The following NCOA1 variants were observed in gnomAD, a reference collection of about 807,000 sequenced individuals.
NCOA1 encodes the protein Hin-2 protein.
NCOA1 carries 35 observed loss-of-function variants against 150.9 expected under a neutral mutation model. The observed-to-expected ratio is 0.23, with a 90% confidence interval of 0.18 to 0.31. NCOA1 has a LOEUF of 0.31. Among genes scored for constraint, NCOA1 ranks in the 10% least tolerant of loss-of-function variants. The probability of loss-of-function intolerance (pLI) is 1.00; values close to 1 mark genes in which losing one functional copy is unlikely to be tolerated. For missense variants in NCOA1, 1,491 were observed against 1,749.3 expected (o/e 0.85, Z 2.63); for synonymous variants, 590 against 630.0 (o/e 0.94, Z 0.95).
chr2:24,610,314 C>CT (rs886636635), intron 3 of NCOA1, among the ~76,000 whole-genome samples: 4 of 150,384 alleles, frequency 2.7e-5, no homozygotes, highest in African/African-American at 7.3e-5. Flanking sequence ...TTCTTTTTTT[C>CT]TTTTTTTTAG....
At chr2:24,746,189 A>G (rs1663908036) in intron 19 of NCOA1, among the ~76,000 whole-genome samples, 1 of 152,260 alleles carries the variant, frequency 6.6e-6, no homozygotes. Context: ...TTCTAATTCT[A>G]GTTGCCACTG....
intron 7 of NCOA1, among the ~76,000 whole-genome samples, chr2:24,679,531 G>C (rs1672068579): frequency 1.3e-5 from 2 of 152,134 alleles, no homozygotes; most frequent in Middle Eastern, 6.8e-3. Context: ...ATAATACAAA[G>C]CAAGTTAAAT....
chr2:24,497,729 T>TAA (rs1663285801), intron 1 of NCOA1, among the ~76,000 whole-genome samples: 1 of 152,222 alleles, frequency 6.6e-6, no homozygotes, highest in South Asian at 2.1e-4. Context: ...TTCAGTAATG[T>TAA]TGATTCTTTG....
chr2:24,712,035 C>T (rs972352989), intron 14 of NCOA1, among the ~76,000 whole-genome samples: 5 of 152,100 alleles, frequency 3.3e-5, no homozygotes, highest in East Asian at 1.9e-4. Context: ...CAGACAGCTG[C>T]GAAGAATAAT....
At chr2:24,750,776 G>A (rs566584485) in intron 19 of NCOA1, among the ~76,000 whole-genome samples, 4 of 151,978 alleles carry the variant, frequency 2.6e-5, no homozygotes, top group Non-Finnish European at 4.4e-5. Context: ...CTCTATAAGG[G>A]AATTTGGGGA....
chr2:24,654,728 A>G (rs1014044906), intron 4 of NCOA1, among the ~76,000 whole-genome samples: 13 of 152,078 alleles, frequency 8.5e-5, no homozygotes, highest in African/African-American at 3.1e-4. Flanking sequence ...GCCTCCTATT[A>G]TCTCTCTGAA....
At chr2:24,719,590 T>C (rs1210047831) in intron 14 of NCOA1, among the ~76,000 whole-genome samples, 1 of 152,196 alleles carries the variant, frequency 6.6e-6, no homozygotes, top group Non-Finnish European at 1.5e-5. Flanking sequence ...CTGCTTGATA[T>C]ATTCACCTTT....
chr2:24,523,953 A>AG (rs1664546029), intron 1 of NCOA1, among the ~76,000 whole-genome samples: 1 of 143,736 alleles, frequency 7.0e-6, no homozygotes, highest in Admixed American at 6.9e-5. Context: ...AAAAAAAAAA[A>AG]GAAACTGGGC....
intron 6 of NCOA1, among the ~76,000 whole-genome samples, chr2:24,666,905 A>G (rs1159453571): frequency 5.9e-5 from 9 of 152,124 alleles, no homozygotes; most frequent in Non-Finnish European, 1.2e-4. Flanking sequence ...CCATACCATC[A>G]AACTCCTTGG....
chr2:24,719,100 G>A (rs1040100445), intron 14 of NCOA1, among the ~76,000 whole-genome samples: 2 of 147,890 alleles, frequency 1.4e-5, no homozygotes, highest in Non-Finnish European at 1.5e-5. Flanking sequence ...AGTAAGTGGT[G>A]TATTCATAAA....
chr2:24,741,137 C>G (rs780489007), intron 18 of NCOA1, among the ~76,000 whole-genome samples: 28 of 151,650 alleles, frequency 1.8e-4, no homozygotes, highest in Non-Finnish European at 3.7e-4. Context: ...CAGAATCTTC[C>G]TTTTTTAATG....
intron 3 of NCOA1, among the ~76,000 whole-genome samples, chr2:24,626,573 A>G (rs541914442): frequency 2.0e-5 from 3 of 152,284 alleles, no homozygotes; most frequent in South Asian, 2.1e-4. Flanking sequence ...ATAGCAGTGT[A>G]TTTAATAGTG....
At chr2:24,587,749 T>C (rs1667476338) in intron 3 of NCOA1, among the ~76,000 whole-genome samples, 1 of 152,236 alleles carries the variant, frequency 6.6e-6, no homozygotes, top group South Asian at 2.1e-4. Flanking sequence ...AGCTTTCTTC[T>C]TTACAGTATT....
At chr2:24,720,039 C>G (rs1261442468) in intron 14 of NCOA1, among the ~76,000 whole-genome samples, 1 of 152,086 alleles carries the variant, frequency 6.6e-6, no homozygotes, top group Non-Finnish European at 1.5e-5. Context: ...AAACTATGAT[C>G]TCTGTTAGGG....
At chr2:24,760,306 A>ATTT (rs70947842) in intron 21 of NCOA1, among the ~76,000 whole-genome samples, 13 of 99,742 alleles carry the variant, frequency 1.3e-4, no homozygotes, top group African/African-American at 4.6e-4. Context: ...TGCCCGGCTA[A>ATTT]TTTTTTTTTT....
intron 5 of NCOA1, among the ~76,000 whole-genome samples, chr2:24,659,836 G>A (rs1671101111): frequency 6.6e-6 from 1 of 152,064 alleles, no homozygotes; most frequent in African/African-American, 2.4e-5. Flanking sequence ...CATCTTAGTT[G>A]TGACAACCAA....
At chr2:24,693,148 C>T (rs1044953550) in intron 9 of NCOA1, 104 bp from the exon 10 acceptor site, 3 of 1,134,002 alleles carry the variant, frequency 2.6e-6, no homozygotes, top group African/African-American at 3.1e-5. Context: ...GCCACCACGT[C>T]TGGCCAACAT....
intron 1 of NCOA1, among the ~76,000 whole-genome samples, chr2:24,511,891 G>A (rs1178670343): frequency 6.6e-6 from 1 of 151,906 alleles, no homozygotes; most frequent in East Asian, 1.9e-4. Flanking sequence ...TATATGGTAT[G>A]AGTTAGATCC....
At chr2:24,517,872 GAT>G (rs1356776160) in intron 1 of NCOA1, among the ~76,000 whole-genome samples, 1 of 152,158 alleles carries the variant, frequency 6.6e-6, no homozygotes, top group Non-Finnish European at 1.5e-5. Flanking sequence ...TTAGTGAAAT[GAT>G]AATATAGTAA....
Sources: gnomAD v4.1 joint callset for allele counts (sites outside exome capture counted in the v4.1 genomes callset) on GRCh38, gnomAD v4.1.1 for gene constraint, MANE v1.5 for transcripts, NCBI Gene and HGNC (gene_info 2026-07-23, HGNC 2026-07-21) for gene names.